The following CHD6 variants were observed in gnomAD, a reference collection of about 807,000 sequenced individuals.
CHD6 encodes the protein ATP-dependent chromatin remodeler CHD6.
CHD6 carries 50 observed loss-of-function variants against 276.9 expected under a neutral mutation model. The ratio of observed to expected loss-of-function variants is 0.18; its 90% CI spans 0.14 to 0.23. CHD6 has a LOEUF of 0.23. CHD6 is among the 10% of genes least tolerant of loss of function. The pLI is 1.00. For missense variants in CHD6, 2,564 were observed against 3,365.8 expected (o/e 0.76, Z 5.89); for synonymous variants, 1,173 against 1,229.3 (o/e 0.95, Z 0.96).
chr20:41,609,500 G>A (rs1387721552), intron 1 of CHD6, among the ~76,000 whole-genome samples: 1 of 152,166 alleles, frequency 6.6e-6, no homozygotes, highest in African/African-American at 2.4e-5. Flanking sequence ...AAACAGTGCT[G>A]ATCTGTAATG....
At chr20:41,498,263 C>A in intron 6 of CHD6, 37 bp from the exon 7 acceptor site, 1 of 1,512,876 alleles carries the variant, frequency 6.6e-7, no homozygotes, top group South Asian at 1.2e-5. Context: ...GCCCAGATCC[C>A]AGGCAGATCA....
intron 13 of CHD6, 62 bp from the exon 14 acceptor site, chr20:41,487,870 G>A: frequency 1.3e-6 from 2 of 1,553,746 alleles, no homozygotes; most frequent in East Asian, 2.3e-5. Flanking sequence ...GCATTTTCGT[G>A]GGGAAAATTA....
intron 1 of CHD6, among the ~76,000 whole-genome samples, chr20:41,558,996 T>C (rs1326234675): frequency 6.6e-6 from 1 of 152,230 alleles, no homozygotes; most frequent in East Asian, 1.9e-4. Context: ...GAACAACGAC[T>C]TTAAGTGAAA....
intron 3 of CHD6, among the ~76,000 whole-genome samples, chr20:41,521,331 G>A (rs2044388734): frequency 6.6e-6 from 1 of 152,166 alleles, no homozygotes; most frequent in Admixed American, 6.5e-5. Flanking sequence ...TTTCTTGGTA[G>A]TTAAATGGTG....
intron 27 of CHD6, among the ~76,000 whole-genome samples, chr20:41,428,897 A>G (rs915558735): frequency 1.3e-5 from 2 of 152,200 alleles, no homozygotes; most frequent in Admixed American, 6.5e-5. Flanking sequence ...TGTAAGTGTG[A>G]AAGTATACAC....
intron 1 of CHD6, among the ~76,000 whole-genome samples, chr20:41,573,054 C>T (rs928528886): frequency 4.6e-5 from 7 of 152,120 alleles, no homozygotes; most frequent in Admixed American, 4.6e-4. Context: ...GGACTACAGT[C>T]GCCCGCCACC....
chr20:41,522,756 G>A (rs1004446416), intron 3 of CHD6, among the ~76,000 whole-genome samples: 2 of 151,946 alleles, frequency 1.3e-5, no homozygotes, highest in African/African-American at 4.8e-5. Flanking sequence ...CTTGACATAC[G>A]TCTATTCCAC....
chr20:41,499,053 T>G (rs2043766943), intron 6 of CHD6, among the ~76,000 whole-genome samples: 1 of 152,090 alleles, frequency 6.6e-6, no homozygotes, highest in Non-Finnish European at 1.5e-5. Flanking sequence ...AAGGGATATA[T>G]GGCTTTTGCT....
At chr20:41,438,130 G>A (rs6029684) in intron 26 of CHD6, among the ~76,000 whole-genome samples, 72,739 of 152,024 alleles carry the variant, frequency 0.48, 20,237 homozygotes, top group African/African-American at 0.77. Context: ...CACATTTGGC[G>A]AAAGTCACTC....
chr20:41,455,659 T>C (rs1600901218), intron 19 of CHD6, 141 bp downstream of exon 19: 7 of 594,038 alleles, frequency 1.2e-5, no homozygotes, highest in East Asian at 2.8e-5. Flanking sequence ...TCTATATCTT[T>C]AGATAGTCAC....
At chr20:41,429,837 G>A (rs1217065490) in intron 27 of CHD6, among the ~76,000 whole-genome samples, 2 of 152,130 alleles carry the variant, frequency 1.3e-5, no homozygotes, top group African/African-American at 4.8e-5. Flanking sequence ...TGACAGCCCC[G>A]CTAAAGAGGG....
Position 41,457,436 on chromosome 20 carries a change from G to A in CHD6, c.2665-8C>T. On this transcript the variant is annotated splice_region_variant and splice_polypyrimidine_tract_variant and intron_variant, in intron 17 of 36. Transcript: ENST00000373233. ...GTGACATCGGGCCTGAGCCTGGGAAGAAGAAGAGTCATATGCATCACGTCA... is the reference window on the plus strand; with the variant it reads ...GTGACATCGGGCCTGAGCCTGGGAAAAAGAAGAGTCATATGCATCACGTCA... 6.2e-7 allele frequency: 1 copy of A among 1,606,420 alleles called. No individual in the cohort carries two copies. Among genetic ancestry groups the A allele is most frequent in the Non-Finnish European group, 8.5e-7 (1 of 1,173,634 alleles).
intron 2 of CHD6, among the ~76,000 whole-genome samples, chr20:41,550,170 C>A (rs926776838): frequency 6.6e-6 from 1 of 152,190 alleles, no homozygotes; most frequent in African/African-American, 2.4e-5. Flanking sequence ...GAACAGTCCC[C>A]TTTTTGACGG....
intron 5 of CHD6, among the ~76,000 whole-genome samples, chr20:41,505,915 C>T (rs1436122452): frequency 2.6e-5 from 4 of 152,148 alleles, no homozygotes; most frequent in Non-Finnish European, 5.9e-5. Flanking sequence ...TTTCCTACCC[C>T]TCCTACCTAC....
rs10631069 is a variant in CHD6, at chr20:41,606,674, C to CAAA, written c.-24+11663_-24+11665dup. On this transcript the variant is annotated intron_variant, in intron 1 of 36. Transcript: ENST00000373233. Reference sequence around the variant, plus strand: ...TGGGCAACAGAGCAAGACTCCATCTCAAAAAAAAAAAAAAACTTATCTCCT... The same window carrying CAAA: ...TGGGCAACAGAGCAAGACTCCATCTCAAAAAAAAAAAAAAAAAACTTATCTCCT... Among the ~76,000 whole-genome samples the CAAA allele has an allele frequency of 6.5e-3, 858 of 132,662 alleles. 6 individuals carry two copies. Among genetic ancestry groups the CAAA allele is most frequent in the East Asian group, 0.018 (85 of 4,598 alleles). 87.0% of individuals were successfully genotyped at this position (132,662 alleles called of 152,430 possible). A position where few individuals can be genotyped will look rare whatever the true frequency, so the allele number is the denominator to read the frequency against.
rs745439146 is a variant in CHD6, at chr20:41,484,479, G to A, written c.2130C>T (p.Tyr710=). ...EVELTNIQKK[Y]YRAILEKNFS... is the part of the protein sequence containing the mutation. ...AGTTCTTCTCGAGGATGGCACGGTAGTACTTTTTCTGGATATTGGTCAGTT... is the reference window on the plus strand; with the variant it reads ...AGTTCTTCTCGAGGATGGCACGGTAATACTTTTTCTGGATATTGGTCAGTT... Residue 710 remains tyrosine (Y), a synonymous_variant, in exon 15 of 37, where the codon TAC becomes TAT. Coordinates refer to ENST00000373233, the MANE Select transcript of CHD6 (RefSeq NM_032221.5). The A allele has an allele frequency of 3.7e-6, 6 of 1,613,862 alleles. No individual in the cohort carries two copies. The highest frequency in any genetic ancestry group is 5.1e-6 in the Non-Finnish European group (6 of 1,179,864).
rs2046629242 is a variant in CHD6 at position 41,405,027 on chromosome 20, T to C, written c.7714A>G (p.Lys2572Glu). ...TAVTEKTAED[K>E]PSSHDVKTDT... ...GTTTTCACATCATGGCTACTCGGCT[T>C]GTCTTCCGCAGTCTTTTCAGTCACT... The change falls in exon 37 of 37, where the codon AAG (lysine) becomes GAG (glutamate). Residue 2572 changes from lysine to glutamate, a missense_variant. Transcript: ENST00000373233. 9 of 1,614,248 alleles carry C rather than the reference T, an allele frequency of 5.6e-6. 1 individual carries two copies. Among genetic ancestry groups the C allele is most frequent in the Non-Finnish European group, 7.6e-6 (9 of 1,180,048 alleles).
intron 3 of CHD6, among the ~76,000 whole-genome samples, chr20:41,524,133 G>T (rs954604184): frequency 2.0e-5 from 3 of 152,046 alleles, no homozygotes. Flanking sequence ...CTTCCTATAG[G>T]CTTTGATCTT....
chr20:41,490,123 A>G, intron 11 of CHD6, 102 bp from the exon 12 acceptor site: 1 of 940,664 alleles, frequency 1.1e-6, no homozygotes, highest in Non-Finnish European at 1.6e-6. Flanking sequence ...TAAGATTATC[A>G]TTGAAGGCTT....
Sources: gnomAD v4.1 joint callset for allele counts (sites outside exome capture counted in the v4.1 genomes callset) on GRCh38, gnomAD v4.1.1 for gene constraint, MANE v1.5 for transcripts, NCBI Gene and HGNC (gene_info 2026-07-23, HGNC 2026-07-21) for gene names.